The following DHX8 variants were observed in gnomAD, a reference collection of about 807,000 sequenced individuals.
DHX8 encodes ATP-dependent RNA helicase DHX8.
In DHX8, 67 loss-of-function variants were observed where a neutral mutation model predicts 140.7. The ratio of observed to expected loss-of-function variants is 0.48; its 90% CI spans 0.39 to 0.58. DHX8 has a LOEUF of 0.58. Ranked by LOEUF, DHX8 falls within the 20% of genes least tolerant of loss-of-function variation. The probability of loss-of-function intolerance (pLI) is 0.00; values close to 1 mark genes in which losing one functional copy is unlikely to be tolerated. For missense variants in DHX8, 887 were observed against 1,550.7 expected (o/e 0.57, Z 7.19); for synonymous variants, 533 against 553.2 (o/e 0.96, Z 0.51).
intron 18 of DHX8, chr17:43,518,865 C>G (rs1348894152): frequency 6.6e-6 from 1 of 152,126 alleles, no homozygotes; most frequent in Non-Finnish European, 1.5e-5. Flanking sequence ...TCTTTTGTAT[C>G]TGACCTGTTT....
chr17:43,542,069 T>G (rs1971552091), intron 3 of DHX8, among the ~76,000 whole-genome samples: 2 of 152,164 alleles, frequency 1.3e-5, no homozygotes, highest in Non-Finnish European at 2.9e-5. Flanking sequence ...GGTCTTTTTT[T>G]GACCTACAAA....
intron 16 of DHX8, among the ~76,000 whole-genome samples, chr17:43,511,212 C>T (rs908281404): frequency 6.6e-5 from 10 of 152,032 alleles, no homozygotes; most frequent in African/African-American, 1.9e-4. Context: ...TGCCTGTAAT[C>T]CCAGCTACCT....
intron 18 of DHX8, 180 bp from the exon 19 acceptor site, chr17:43,519,950 C>G: frequency 1.7e-6 from 1 of 604,404 alleles, no homozygotes. Context: ...CAAGTATGTG[C>G]TTTCTATTAT....
Position 43,511,455 on chromosome 17 carries a change from C to CTTTTTTTTTTTTTT in DHX8, c.2503-1907_2503-1906insTTTTTTTTTTTTTT, listed in dbSNP as rs1279628229. On this transcript the variant is annotated intron_variant, in intron 16 of 22. Coordinates refer to ENST00000262415, the MANE Select transcript of DHX8 (RefSeq NM_004941.3). ...CAGTGGCTTATGCCTGTGATCCCAG[C>CTTTTTTTTTTTTTT]ATTTTTTTTTTTTTTTTTTTGAGAC... Among the ~76,000 whole-genome samples, 29 of 6,576 alleles carry CTTTTTTTTTTTTTT rather than the reference C, an allele frequency of 4.4e-3. 1 individual carries two copies. Among genetic ancestry groups the CTTTTTTTTTTTTTT allele is most frequent in the Non-Finnish European group, 6.8e-3 (22 of 3,232 alleles). The allele number at this position is 6,576 out of a possible 152,430, so 4.3% of individuals were successfully genotyped here.
At chr17:43,505,999 T>TTGTG (rs149299592) in intron 12 of DHX8, among the ~76,000 whole-genome samples, 5 of 150,308 alleles carry the variant, frequency 3.3e-5, no homozygotes, top group East Asian at 2.0e-4. Flanking sequence ...TCTCAGAGAT[T>TTGTG]TGTGTGTGTG....
At chr17:43,530,544 G>C (rs1970861689), downstream of DHX8, 3 of 756,096 alleles carry the variant, frequency 4.0e-6, no homozygotes, top group African/African-American at 1.8e-5. Flanking sequence ...CCACGCCTAA[G>C]ACTCCCTCAG....
At chr17:43,522,845 C>T (rs148198536) in intron 22 of DHX8, among the ~76,000 whole-genome samples, 23 of 150,548 alleles carry the variant, frequency 1.5e-4, no homozygotes, top group African/African-American at 5.4e-4. Context: ...AGGTGGATCA[C>T]CAGAGGTCAG....
At chr17:43,504,378 C>G (rs1377331886) in intron 11 of DHX8, among the ~76,000 whole-genome samples, 1 of 152,170 alleles carries the variant, frequency 6.6e-6, no homozygotes, top group African/African-American at 2.4e-5. Flanking sequence ...ATTCCAGTGT[C>G]AAGCAGTCAG....
At chr17:43,543,296 T>TCTCA (rs888736657) in intron 3 of DHX8, among the ~76,000 whole-genome samples, 42 of 143,452 alleles carry the variant, frequency 2.9e-4, no homozygotes, top group African/African-American at 7.5e-4. Context: ...TCTCTCTCTC[T>TCTCA]CACACACACA....
chr17:43,501,477 TTTG>T (rs754117444), intron 11 of DHX8, among the ~76,000 whole-genome samples: 2 of 151,972 alleles, frequency 1.3e-5, no homozygotes, highest in Admixed American at 6.6e-5. Context: ...GAAAAGTTCT[TTTG>T]TTGTTGTTGT....
intron 2 of DHX8, chr17:43,533,372 G>T (rs1971063786): frequency 6.2e-7 from 1 of 1,600,640 alleles, no homozygotes; most frequent in South Asian, 1.1e-5. Flanking sequence ...GGAGACAGGG[G>T]TGAGGGGGCA....
chr17:43,511,455 C>CCTTTTTTTTTTTTTTTT (rs1279628229), intron 16 of DHX8, among the ~76,000 whole-genome samples: 1 of 6,592 alleles, frequency 1.5e-4, no homozygotes, highest in African/African-American at 5.6e-4. Context: ...GTGATCCCAG[C>CCTTTTTTTTTTTTTTTT]ATTTTTTTTT....
intron 18 of DHX8, chr17:43,517,632 C>T (rs1321793055): frequency 3.6e-6 from 1 of 275,106 alleles, no homozygotes; most frequent in East Asian, 9.8e-5. Context: ...AAACTGTGGA[C>T]ACACACACCT....
intron 21 of DHX8, 24 bp from the exon 22 acceptor site, chr17:43,522,023 A>C (rs1199720737): frequency 6.2e-7 from 1 of 1,611,342 alleles, no homozygotes; most frequent in Admixed American, 1.7e-5. Context: ...GAGTGGGCTC[A>C]TATCTTTTGT....
rs1463448802 is a variant in DHX8 at position 43,525,269 on chromosome 17, T to C, written c.*1422T>C. On this transcript the variant is annotated 3_prime_UTR_variant, in exon 23 of 23. Coordinates refer to ENST00000262415, the MANE Select transcript of DHX8 (RefSeq NM_004941.3). ...ATGTTATTAGTAAGTTCTGAAGTGATGTAAATGCTAGAACTACTGTAGAAC... is the reference window on the plus strand; with the variant it reads ...ATGTTATTAGTAAGTTCTGAAGTGACGTAAATGCTAGAACTACTGTAGAAC... 2.0e-6 allele frequency: 2 copies of C among 985,302 alleles called. No homozygotes were observed. The highest frequency in any genetic ancestry group is 2.4e-6 in the Non-Finnish European group (2 of 829,940). The allele number at this position is 985,302 out of a possible 1,614,324, so 61.0% of individuals were successfully genotyped here.
chr17:43,507,024 C>G lies in DHX8; in HGVS notation c.1750C>G (p.Leu584Val), dbSNP rs769478575. The change falls in exon 13 of 23, where the codon CTG (leucine) becomes GTG (valine). Residue 584 changes from leucine (L) to valine (V), a missense_variant. By Grantham distance (32) the Leu-to-Val change is conservative. Transcript: ENST00000262415. ...LVQAVHDNQI[L>V]IVIGETGSGK... ...TCAGGCCGTCCATGACAATCAGATC[C>G]TGATTGTCATTGGTGAGACAGGATC... is the stretch of plus-strand genomic sequence containing the variant. 6.2e-7 allele frequency: 1 copy of G among 1,608,224 alleles called. No homozygotes were observed. The highest frequency in any genetic ancestry group is 8.5e-7 in the Non-Finnish European group (1 of 1,177,696).
At position 43,505,081 on chromosome 17, in the gene DHX8, G is replaced by C. The variant is rs920118876; in HGVS notation, c.1728+256G>C. ...ACTTGAGCCTAGGAGTTTGAAACCA[G>C]CCTGAGGCAACATAGGGAATCTTGT... On this transcript the variant is annotated intron_variant, in intron 12 of 22. Coordinates refer to ENST00000262415, the MANE Select transcript of DHX8 (RefSeq NM_004941.3). Among the ~76,000 whole-genome samples the C allele has an allele frequency of 1.2e-4, 18 of 152,136 alleles. 1 individual carries two copies. Among genetic ancestry groups the C allele is most frequent in the South Asian group, 1.0e-3 (5 of 4,812 alleles).
At chr17:43,533,771 C>T (rs1971087840) in intron 2 of DHX8, 2 of 1,516,228 alleles carry the variant, frequency 1.3e-6, no homozygotes, top group Non-Finnish European at 1.8e-6. Context: ...ACTTGCATCT[C>T]AGCTGCTGCC....
At chr17:43,519,292 C>G (rs1461931737) in intron 18 of DHX8, 1 of 152,210 alleles carries the variant, frequency 6.6e-6, no homozygotes, top group Non-Finnish European at 1.5e-5. Context: ...AAAATTATAG[C>G]CATCCTAGTG....
Sources: allele counts gnomAD v4.1 joint callset (sites outside exome capture counted in the v4.1 genomes callset), GRCh38; gene constraint gnomAD v4.1.1; transcripts MANE v1.5; gene names NCBI Gene and HGNC (gene_info 2026-07-23, HGNC 2026-07-21).